The following CHST11 variants were observed in gnomAD, a reference collection of about 807,000 sequenced individuals.
CHST11 encodes C4S-1.
CHST11 carries 9 observed loss-of-function variants against 30.4 expected under a neutral mutation model. That is an observed-to-expected ratio of 0.30 (90% CI 0.18 to 0.52). The LOEUF is 0.52. Among genes scored for constraint, CHST11 ranks in the 20% least tolerant of loss-of-function variants. The pLI is 0.97. For missense variants in CHST11, 348 were observed against 460.6 expected (o/e 0.76, Z 2.24); for synonymous variants, 152 against 187.8 (o/e 0.81, Z 1.56).
chr12:104,613,474 G>T (rs371532860), intron 2 of CHST11, among the ~76,000 whole-genome samples: 1 of 152,154 alleles, frequency 6.6e-6, no homozygotes, highest in African/African-American at 2.4e-5. Context: ...GACCTGGTGG[G>T]AGGTGATTGG....
Position 104,570,679 on chromosome 12 carries a change from T to G in CHST11, c.119-31227T>G, listed in dbSNP as rs904164133. On this transcript the variant is annotated intron_variant, in intron 1 of 2. Transcript: ENST00000303694. ...CTACCATTTATTCAGTTTCAGTATATGTAAGCCACTGCACTTTTTTTTTTT... is the reference window on the plus strand; with the variant it reads ...CTACCATTTATTCAGTTTCAGTATAGGTAAGCCACTGCACTTTTTTTTTTT... Among the ~76,000 whole-genome samples, 3 of 150,438 alleles carry G rather than the reference T, an allele frequency of 2.0e-5. No homozygotes were observed. In the South Asian group the frequency reaches 6.3e-4, roughly 32 times the overall value.
intron 1 of CHST11, among the ~76,000 whole-genome samples, chr12:104,560,280 G>A (rs1250101216): frequency 1.3e-5 from 2 of 152,142 alleles, no homozygotes; most frequent in Non-Finnish European, 2.9e-5. Context: ...AAAAGATAAG[G>A]CAGTTGTATG....
At chr12:104,697,514 G>A (rs192957134) in intron 2 of CHST11, among the ~76,000 whole-genome samples, 10 of 152,194 alleles carry the variant, frequency 6.6e-5, no homozygotes, top group African/African-American at 2.2e-4. Flanking sequence ...CAGCTTTCCT[G>A]GTTCTCCAGC....
intron 1 of CHST11, among the ~76,000 whole-genome samples, chr12:104,515,072 G>A (rs1004286765): frequency 2.6e-5 from 4 of 151,788 alleles, no homozygotes; most frequent in Non-Finnish European, 5.9e-5. Context: ...CCCGTCTCCC[G>A]CTTTTGTATA....
At chr12:104,732,100 T>C (rs2040262942) in intron 2 of CHST11, among the ~76,000 whole-genome samples, 1 of 152,186 alleles carries the variant, frequency 6.6e-6, no homozygotes, top group Admixed American at 6.5e-5. Flanking sequence ...GCGCTGCTGG[T>C]GGTCAGTTTT....
At chr12:104,490,218 G>A (rs1026626971) in intron 1 of CHST11, among the ~76,000 whole-genome samples, 1 of 152,190 alleles carries the variant, frequency 6.6e-6, no homozygotes, top group African/African-American at 2.4e-5. Flanking sequence ...AGCAGGGCAA[G>A]CCTAGCCAAA....
intron 2 of CHST11, among the ~76,000 whole-genome samples, chr12:104,638,201 GAGAA>G (rs771520817): frequency 1.3e-5 from 2 of 152,152 alleles, no homozygotes; most frequent in Non-Finnish European, 2.9e-5. Flanking sequence ...AGGAGGAAGA[GAGAA>G]AGAAAAAGAA....
intron 2 of CHST11, among the ~76,000 whole-genome samples, chr12:104,690,975 A>G (rs1185165437): frequency 1.3e-5 from 2 of 152,198 alleles, no homozygotes; most frequent in African/African-American, 4.8e-5. Context: ...AGCATCAAAG[A>G]CTGGTCTTTT....
chr12:104,470,446 A>G (rs1365052545), intron 1 of CHST11, among the ~76,000 whole-genome samples: 3 of 152,264 alleles, frequency 2.0e-5, no homozygotes, highest in East Asian at 3.9e-4. Context: ...AGCATGGGGG[A>G]AACCACCCCC....
intron 2 of CHST11, among the ~76,000 whole-genome samples, chr12:104,681,567 A>C (rs1055815431): frequency 6.6e-6 from 1 of 152,260 alleles, no homozygotes; most frequent in Admixed American, 6.5e-5. Context: ...TTTATGGTAC[A>C]TAAATTATAT....
intron 1 of CHST11, among the ~76,000 whole-genome samples, chr12:104,473,197 T>C (rs776127609): frequency 2.0e-5 from 3 of 150,318 alleles, no homozygotes; most frequent in Admixed American, 6.6e-5. Context: ...GTTTCTATTA[T>C]CATCATTTAA....
chr12:104,617,423 A>G (rs1476033018), intron 2 of CHST11, among the ~76,000 whole-genome samples: 1 of 152,078 alleles, frequency 6.6e-6, no homozygotes, highest in East Asian at 1.9e-4. Context: ...TCATCTTACC[A>G]TTCTCCCATC....
intron 2 of CHST11, among the ~76,000 whole-genome samples, chr12:104,642,435 G>A (rs2039386391): frequency 6.6e-6 from 1 of 152,066 alleles, no homozygotes; most frequent in Non-Finnish European, 1.5e-5. Flanking sequence ...AGGTCTTGCT[G>A]TGTCGCCCAG....
intron 1 of CHST11, among the ~76,000 whole-genome samples, chr12:104,493,101 A>G (rs1421265747): frequency 6.6e-6 from 1 of 152,200 alleles, no homozygotes; most frequent in African/African-American, 2.4e-5. Context: ...ACTTACCTAT[A>G]GCTGTGTTTC....
At chr12:104,620,355 A>C (rs552995547) in intron 2 of CHST11, among the ~76,000 whole-genome samples, 28 of 152,354 alleles carry the variant, frequency 1.8e-4, no homozygotes, top group African/African-American at 5.3e-4. Flanking sequence ...GGCAGATACT[A>C]GGGGAGTTCA....
intron 1 of CHST11, among the ~76,000 whole-genome samples, chr12:104,587,373 A>G (rs996295920): frequency 1.1e-4 from 16 of 152,198 alleles, no homozygotes; most frequent in African/African-American, 3.6e-4. Context: ...CATTTGCCCA[A>G]TTAATGAACA....
chr12:104,713,043 T>C (rs2040100694), intron 2 of CHST11, among the ~76,000 whole-genome samples: 1 of 151,186 alleles, frequency 6.6e-6, no homozygotes, highest in Non-Finnish European at 1.5e-5. Flanking sequence ...CCCTAATTCA[T>C]GCGGCTTGCA....
intron 1 of CHST11, among the ~76,000 whole-genome samples, chr12:104,561,860 G>A (rs912736720): frequency 1.6e-4 from 24 of 149,230 alleles, no homozygotes; most frequent in Admixed American, 1.5e-3. Context: ...GTGTGATCTC[G>A]GCTCACTGCA....
intron 2 of CHST11, among the ~76,000 whole-genome samples, chr12:104,669,737 AAC>A (rs1317854358): frequency 1.3e-5 from 2 of 152,206 alleles, no homozygotes; most frequent in African/African-American, 2.4e-5. Flanking sequence ...GCTTCTCCAG[AAC>A]ACAGTTTTTC....
Sources: gnomAD v4.1 joint callset for allele counts (sites outside exome capture counted in the v4.1 genomes callset) on GRCh38, gnomAD v4.1.1 for gene constraint, MANE v1.5 for transcripts, NCBI Gene and HGNC (gene_info 2026-07-23, HGNC 2026-07-21) for gene names.